The following STK32A variants were observed in gnomAD, a reference collection of about 807,000 sequenced individuals.
STK32A encodes the protein serine/threonine-protein kinase 32A.
A neutral mutation model predicts 53.2 loss-of-function variants in STK32A; 41 were observed. The ratio of observed to expected loss-of-function variants is 0.77; its 90% CI spans 0.60 to 1.00. The LOEUF (loss-of-function observed/expected upper bound fraction) is 1.00, where lower values mean the gene tolerates loss of function less well. Ranked by LOEUF, STK32A falls within the 50% of genes least tolerant of loss-of-function variation. The probability of loss-of-function intolerance (pLI) is 0.00; values close to 1 mark genes in which losing one functional copy is unlikely to be tolerated. For synonymous variants in STK32A, 166 were observed against 162.8 expected, an observed-to-expected ratio of 1.02 and a Z score of -0.15; for missense variants, 458 against 485.8, an observed-to-expected ratio of 0.94 and a Z score of 0.54.
chr5:147,332,953 G>C (rs546912073), intron 5 of STK32A, among the ~76,000 whole-genome samples: 2 of 152,316 alleles, frequency 1.3e-5, no homozygotes, highest in South Asian at 4.1e-4. Flanking sequence ...AGAACTGTCT[G>C]TGTACAGGTT....
Position 147,383,893 on chromosome 5 carries a change from AAACAGGGACTTT to A in STK32A, c.1106_1117del (p.Arg369_Asn372del), listed in dbSNP as rs1317965082. 2 of 1,540,936 alleles carry A rather than the reference AAACAGGGACTTT, an allele frequency of 1.3e-6. No homozygotes were observed. The highest frequency in any genetic ancestry group is 3.6e-5 in the Admixed American group (2 of 55,180). On this transcript the variant is annotated inframe_deletion, in exon 13 of 13. Transcript: ENST00000397936. Reference sequence around the variant, plus strand: ...TTTTTTTTCTTTTCTTTTTAAGAGTAAACAGGGACTTTAACAAAAGACAACCAAATCTAGCCT... The same window carrying A: ...TTTTTTTTCTTTTCTTTTTAAGAGTAAACAAAAGACAACCAAATCTAGCCT...
rs1268132905 is a variant in STK32A, at chr5:147,359,110, AG to A, written c.563-2406del. Among the ~76,000 whole-genome samples the A allele has an allele frequency of 3.9e-5, 6 of 152,308 alleles. No individual in the cohort carries two copies. The East Asian group carries it at 1.2e-3, about 29-fold the overall frequency. ...ATGAGCAATACCAAACAAAATACTC[AG>A]TGGCTTTTTTGAAGGACACTTAGCC... is the stretch of plus-strand genomic sequence containing the variant. On this transcript the variant is annotated intron_variant, in intron 7 of 12. Transcript: ENST00000397936.
At chr5:147,284,898 A>C (rs1752256769) in intron 4 of STK32A, among the ~76,000 whole-genome samples, 1 of 152,134 alleles carries the variant, frequency 6.6e-6, no homozygotes, top group South Asian at 2.1e-4. Context: ...TATAAATTCA[A>C]TGCAATTTCC....
intron 4 of STK32A, among the ~76,000 whole-genome samples, chr5:147,286,468 G>C (rs976883629): frequency 6.6e-6 from 1 of 152,106 alleles, no homozygotes; most frequent in Non-Finnish European, 1.5e-5. Context: ...TAGCCAGCTT[G>C]GCTTACACCC....
intron 9 of STK32A, 104 bp from the exon 10 acceptor site, chr5:147,373,065 T>C: frequency 7.1e-7 from 1 of 1,409,978 alleles, no homozygotes. Context: ...CACTGTCTAT[T>C]TTCCTTCAGT....
chr5:147,264,403 G>A (rs560788823), intron 2 of STK32A, among the ~76,000 whole-genome samples: 1 of 152,314 alleles, frequency 6.6e-6, no homozygotes, highest in East Asian at 1.9e-4. Context: ...TGAGCATTAT[G>A]AAAGGGAACT....
intron 9 of STK32A, among the ~76,000 whole-genome samples, chr5:147,371,608 T>C (rs915979122): frequency 6.6e-5 from 10 of 152,198 alleles, no homozygotes; most frequent in African/African-American, 2.4e-4. Flanking sequence ...ATGAATTTTT[T>C]CTGCAGGTCT....
intron 2 of STK32A, among the ~76,000 whole-genome samples, chr5:147,242,034 C>T (rs1039881560): frequency 6.6e-6 from 1 of 152,130 alleles, no homozygotes; most frequent in African/African-American, 2.4e-5. Context: ...AAATAAGATA[C>T]CCCTTTTTAG....
At chr5:147,259,239 T>C (rs1754379593) in intron 2 of STK32A, among the ~76,000 whole-genome samples, 1 of 152,242 alleles carries the variant, frequency 6.6e-6, no homozygotes, top group African/African-American at 2.4e-5. Context: ...TCACTTTTTA[T>C]ATATTTTTTG....
chr5:147,260,219 CTCTCTCTCCTCTCTG>C (rs1561675308), intron 2 of STK32A, among the ~76,000 whole-genome samples: 5 of 71,640 alleles, frequency 7.0e-5, no homozygotes, highest in Admixed American at 1.8e-4. Flanking sequence ...TCTCCTCTCT[CTCTCTCTCCTCTCTG>C]TCTCTGTCTC....
rs1757564539 is a variant in STK32A at position 147,384,231 on chromosome 5, T to C, written c.*248T>C. On this transcript the variant is annotated 3_prime_UTR_variant, in exon 13 of 13. Coordinates refer to ENST00000397936, the MANE Select transcript of STK32A (RefSeq NM_001112724.2). ...TAGCCACTTTCTGTGCTTTACTTTA[T>C]TTATCTAAAATGAGAGGGTTATACT... The C allele has an allele frequency of 7.4e-7, 1 of 1,359,858 alleles. No individual in the cohort carries two copies. The highest frequency in any genetic ancestry group is 9.5e-7 in the Non-Finnish European group (1 of 1,048,654). The allele number at this position is 1,359,858 out of a possible 1,614,324, so 84.2% of individuals were successfully genotyped here. A position where few individuals can be genotyped will look rare whatever the true frequency, so the allele number is the denominator to read the frequency against.
chr5:147,235,926 G>C (rs1330386014), intron 1 of STK32A, among the ~76,000 whole-genome samples: 1 of 152,138 alleles, frequency 6.6e-6, no homozygotes, highest in East Asian at 1.9e-4. Flanking sequence ...TTAACTGAGA[G>C]TGTTATTAAC....
downstream of STK32A, chr5:147,391,318 G>A (rs944192267): frequency 6.5e-6 from 1 of 152,764 alleles, no homozygotes; most frequent in African/African-American, 2.4e-5. Context: ...TCCACTTCTA[G>A]AAAACTTAGA....
intron 5 of STK32A, among the ~76,000 whole-genome samples, chr5:147,325,141 T>C (rs2151978659): frequency 6.6e-6 from 1 of 152,302 alleles, no homozygotes; most frequent in East Asian, 1.9e-4. Flanking sequence ...TAATTGATTA[T>C]ACATCATTAA....
chr5:147,373,218 A>G lies in STK32A; in HGVS notation c.827A>G (p.Gln276Arg). Residue 276 changes from glutamine to arginine, a missense_variant, in exon 10 of 13, where the codon CAG becomes CGG. Gln to Arg is a conservative substitution (Grantham distance 43). Transcript: ENST00000397936. ...DQRFSQLSDV[Q>R]NFPYMNDINW... ...CGATTTTCTCAGTTATCTGATGTCC[A>G]GAACTTCCCGTATATGAATGATATA... The G allele has an allele frequency of 1.2e-6, 2 of 1,613,526 alleles. No homozygotes were observed. Among genetic ancestry groups the G allele is most frequent in the Non-Finnish European group, 1.7e-6 (2 of 1,179,592 alleles).
chr5:147,378,786 C>A lies in STK32A; in HGVS notation c.1032+3568C>A, dbSNP rs138939177. Among the ~76,000 whole-genome samples the A allele has an allele frequency of 3.3e-5, 4 of 121,344 alleles. No individual in the cohort carries two copies. In the East Asian group the frequency reaches 1.1e-3, roughly 33 times the overall value. 79.6% of individuals were successfully genotyped at this position (121,344 alleles called of 152,430 possible). A position where few individuals can be genotyped will look rare whatever the true frequency, so the allele number is the denominator to read the frequency against. On this transcript the variant is annotated intron_variant, in intron 11 of 12. Coordinates refer to ENST00000397936, the MANE Select transcript of STK32A (RefSeq NM_001112724.2). Reference sequence around the variant, plus strand: ...TACCATGCTGTTTTGGTTACTGTAGCTTTGTAGTATAGTTTGAAGTCAGGT... The same window carrying A: ...TACCATGCTGTTTTGGTTACTGTAGATTTGTAGTATAGTTTGAAGTCAGGT...
At chr5:147,339,579 G>T (rs1755303034) in intron 5 of STK32A, among the ~76,000 whole-genome samples, 1 of 152,248 alleles carries the variant, frequency 6.6e-6, no homozygotes, top group Non-Finnish European at 1.5e-5. Flanking sequence ...TGCACCATGT[G>T]CCTGGAAAAG....
At chr5:147,383,148 C>G (rs1205390014) in intron 11 of STK32A, 1 of 404,428 alleles carries the variant, frequency 2.5e-6, no homozygotes, top group African/African-American at 2.1e-5. Context: ...CTTTGCCACC[C>G]AAGCCTTCCC....
intron 4 of STK32A, among the ~76,000 whole-genome samples, chr5:147,317,383 A>AGTG (rs1264558674): frequency 8.6e-6 from 1 of 115,792 alleles, no homozygotes; most frequent in Non-Finnish European, 1.6e-5. Context: ...GCTAGAGTGC[A>AGTG]GTGGTGTGAT....
Sources: gnomAD v4.1 joint callset for allele counts (sites outside exome capture counted in the v4.1 genomes callset) on GRCh38, gnomAD v4.1.1 for gene constraint, MANE v1.5 for transcripts, NCBI Gene and HGNC (gene_info 2026-07-23, HGNC 2026-07-21) for gene names.